Variants in POTEM observed in about 807,000 individuals in gnomAD.
POTEM encodes the protein POTE ankyrin domain family member M.
For missense variants in POTEM, 24 were observed against 343.0 expected (o/e 0.07, Z 7.35); for synonymous variants, 8 against 113.2 (o/e 0.07, Z 5.90).
At chr14:18,981,646 G>A (rs1891084059) in intron 6 of POTEM, among the ~76,000 whole-genome samples, 2 of 150,794 alleles carry the variant, frequency 1.3e-5, no homozygotes, top group African/African-American at 2.4e-5. Flanking sequence ...TTTGCCAGAA[G>A]GAACATCTAA....
At chr14:18,986,007 A>C (rs1212171496) in intron 7 of POTEM, among the ~76,000 whole-genome samples, 1 of 71,152 alleles carries the variant, frequency 1.4e-5, no homozygotes, top group Non-Finnish European at 3.0e-5. Flanking sequence ...CTAATTTAAT[A>C]TTTGATATTT....
chr14:18,980,189 C>CT, intron 6 of POTEM, 45 bp downstream of exon 6: 2 of 989,528 alleles, frequency 2.0e-6, no homozygotes, highest in Non-Finnish European at 1.4e-6. Context: ...TTTTCCCCAA[C>CT]CTTTTTGGCA....
rs566397223 is a variant in POTEM, at chr14:19,002,704, G to T, written c.*4039G>T. On this transcript the variant is annotated 3_prime_UTR_variant, in exon 11 of 11. Transcript: ENST00000547889. ...CCATACCATAGTTTCTGTGCTAGTG[G>T]ACCGTACCATATCAGTGGAGAGCTG... is the stretch of plus-strand genomic sequence containing the variant. Among the ~76,000 whole-genome samples, 8 of 152,328 alleles carry T rather than the reference G, an allele frequency of 5.3e-5. No individual in the cohort carries two copies. The East Asian group carries it at 1.4e-3, about 26-fold the overall frequency.
intron 3 of POTEM, among the ~76,000 whole-genome samples, chr14:18,974,566 TAAC>T (rs1890915428): frequency 2.7e-5 from 2 of 72,778 alleles, no homozygotes; most frequent in Admixed American, 1.6e-4. Flanking sequence ...ACAGCAACAA[TAAC>T]AACAGCAACA....
intron 9 of POTEM, among the ~76,000 whole-genome samples, chr14:18,996,786 AT>A (rs2138969826): frequency 7.2e-6 from 1 of 138,318 alleles, no homozygotes; most frequent in East Asian, 2.2e-4. Context: ...AAAGTGCACA[AT>A]GAATGTAATG....
At position 19,002,737 on chromosome 14, in the gene POTEM, G is replaced by T. The variant is rs1220021652; in HGVS notation, c.*4072G>T. 3.7e-4 allele frequency among the ~76,000 whole-genome samples: 56 copies of T among 152,338 alleles called. No homozygotes were observed. Among genetic ancestry groups the T allele is most frequent in the Non-Finnish European group, 6.6e-4 (45 of 67,992 alleles). The stretch of plus-strand genomic sequence containing the variant: ...CATATCAGTGGAGAGCTGCAGCAAG[G>T]TGGCCCCTACGGCCACGCACCAGCC... On this transcript the variant is annotated 3_prime_UTR_variant, in exon 11 of 11. Coordinates refer to ENST00000547889, the MANE Select transcript of POTEM (RefSeq NM_001145442.1).
At chr14:18,987,015 TTTA>T (rs1256667684) in intron 7 of POTEM, among the ~76,000 whole-genome samples, 151 bp from the exon 8 acceptor site, 41 of 87,342 alleles carry the variant, frequency 4.7e-4, no homozygotes, top group Admixed American at 3.2e-3. Context: ...TTAATTATTA[TTTA>T]TTTTTTAAGT....
At chr14:18,968,951 G>A (rs1890831796) in intron 1 of POTEM, among the ~76,000 whole-genome samples, 1 of 149,666 alleles carries the variant, frequency 6.7e-6, no homozygotes, top group East Asian at 2.0e-4. Flanking sequence ...TTTTTTTGTA[G>A]CAGAATGGAC....
At chr14:18,968,525 G>T (rs549746450) in intron 1 of POTEM, among the ~76,000 whole-genome samples, 7 of 151,620 alleles carry the variant, frequency 4.6e-5, no homozygotes, top group African/African-American at 1.7e-4. Flanking sequence ...ATTTTCTGAA[G>T]ATGTGAGCTT....
chr14:18,993,262 A>G (rs1891266999), intron 9 of POTEM, among the ~76,000 whole-genome samples: 1 of 61,272 alleles, frequency 1.6e-5, no homozygotes, highest in Non-Finnish European at 3.1e-5. Context: ...AATTGTTTCC[A>G]AGGGATTATA....
At chr14:18,991,144 G>A (rs1239453070) in intron 9 of POTEM, among the ~76,000 whole-genome samples, 6 of 131,784 alleles carry the variant, frequency 4.6e-5, no homozygotes, top group South Asian at 2.4e-4. Context: ...TTGGCCTCAC[G>A]AAGTGTTGGG....
At position 18,969,328 on chromosome 14, in the gene POTEM, T is replaced by C. The variant is rs1379012164; in HGVS notation, c.521+1322T>C. Among the ~76,000 whole-genome samples the C allele has an allele frequency of 7.3e-3, 914 of 125,886 alleles. 9 individuals are homozygous for C. The highest frequency in any genetic ancestry group is 0.03 in the African/African-American group (856 of 28,850). 82.6% of individuals were successfully genotyped at this position (125,886 alleles called of 152,430 possible). A position where few individuals can be genotyped will look rare whatever the true frequency, so the allele number is the denominator to read the frequency against. On this transcript the variant is annotated intron_variant, in intron 1 of 10. Coordinates refer to ENST00000547889, the MANE Select transcript of POTEM (RefSeq NM_001145442.1). ...ATACGTATATATATGTATATATATA[T>C]ATATACGTATATACATATATATACA...
At chr14:18,968,532 G>A (rs1217896576) in intron 1 of POTEM, among the ~76,000 whole-genome samples, 3 of 151,262 alleles carry the variant, frequency 2.0e-5, no homozygotes, top group Middle Eastern at 3.2e-3. Context: ...GAAGATGTGA[G>A]CTTTTTGGCT....
intron 7 of POTEM, among the ~76,000 whole-genome samples, chr14:18,985,927 AAAT>A (rs371565329): frequency 3.6e-5 from 3 of 83,778 alleles, no homozygotes; most frequent in Admixed American, 1.4e-4. Context: ...AAAAAAAAAA[AAAT>A]ATTTTAATAG....
intron 3 of POTEM, among the ~76,000 whole-genome samples, chr14:18,974,280 T>G (rs1390784292): frequency 4.4e-5 from 1 of 22,872 alleles, no homozygotes; most frequent in East Asian, 4.9e-4. Flanking sequence ...CTGAAGTAAT[T>G]GTCTATTGTA....
intron 3 of POTEM, among the ~76,000 whole-genome samples, chr14:18,975,178 T>C (rs1278932077): frequency 1.0e-5 from 1 of 100,056 alleles, no homozygotes; most frequent in Non-Finnish European, 2.0e-5. Context: ...AGGTCTTTAG[T>C]AGTTTGCTGT....
chr14:18,997,101 AG>A lies in POTEM; in HGVS notation c.1471del (p.Asp491MetfsTer4), dbSNP rs1891318997. 1.4e-6 allele frequency: 1 copy of A among 715,254 alleles called. No individual in the cohort carries two copies. Among genetic ancestry groups the A allele is most frequent in the Non-Finnish European group, 2.5e-6 (1 of 405,484 alleles). The allele number at this position is 715,254 out of a possible 1,614,324, so 44.3% of individuals were successfully genotyped here. On this transcript the variant is annotated frameshift_variant, in exon 10 of 11. Transcript: ENST00000547889. LOFTEE classifies it high-confidence loss of function. The part of the protein sequence containing the change: ...SEEQNTGILQ[D>X]EILIHEEKQI... ...AAGAACAGAACACTGGAATATTACA[AG>A]ATGAGATTCTGATTCATGAAGAAAA...
chr14:18,990,801 C>T (rs1184598190), intron 9 of POTEM, among the ~76,000 whole-genome samples: 2 of 10,766 alleles, frequency 1.9e-4, no homozygotes, highest in Admixed American at 1.2e-3. Context: ...CCATTCATCA[C>T]GGTCTGTTTT....
At position 18,998,925 on chromosome 14, in the gene POTEM, G is replaced by A. The variant is rs1891333035; in HGVS notation, c.*260G>A. The A allele has an allele frequency of 9.7e-5, 12 of 123,292 alleles. No homozygotes were observed. The highest frequency in any genetic ancestry group is 1.9e-3 in the Middle Eastern group (1 of 518). 7.6% of individuals were successfully genotyped at this position (123,292 alleles called of 1,614,324 possible). A position where few individuals can be genotyped will look rare whatever the true frequency, so the allele number is the denominator to read the frequency against. On this transcript the variant is annotated 3_prime_UTR_variant, in exon 11 of 11. Coordinates refer to ENST00000547889, the MANE Select transcript of POTEM (RefSeq NM_001145442.1). ...CAACGGCTCTGGCATGTGCAAGGCC[G>A]GCTTTGCAGGTGACGATGCCCCCCG...
Sources: gnomAD v4.1 joint callset for allele counts (sites outside exome capture counted in the v4.1 genomes callset) on GRCh38, gnomAD v4.1.1 for gene constraint, MANE v1.5 for transcripts, NCBI Gene and HGNC (gene_info 2026-07-23, HGNC 2026-07-21) for gene names.